ENPP3: variants seen among roughly 807,000 people sequenced by gnomAD.
ENPP3 encodes ectonucleotide pyrophosphatase/phosphodiesterase 3, also known as ectonucleotide pyrophosphatase/phosphodiesterase family member 3.
ENPP3 carries 104 observed loss-of-function variants against 117.8 expected under a neutral mutation model. That is an observed-to-expected ratio of 0.88 (90% CI 0.75 to 1.04). The LOEUF (loss-of-function observed/expected upper bound fraction) is 1.04. Among genes scored for constraint, ENPP3 ranks in the 50% least tolerant of loss-of-function variants. The pLI is 0.00. For missense variants in ENPP3, 1,026 were observed against 1,051.9 expected (o/e 0.98, Z 0.34); for synonymous variants, 380 against 349.9 (o/e 1.09, Z -0.96).
chr6:131,746,286 C>A (rs1416658565), intron 24 of ENPP3, among the ~76,000 whole-genome samples: 1 of 152,010 alleles, frequency 6.6e-6, no homozygotes. Context: ...CAAACCACAG[C>A]TAAGAACAAG....
intron 19 of ENPP3, 135 bp downstream of exon 19, chr6:131,724,226 T>TAAAAAAAAAAAACAA (rs1308591637): frequency 7.1e-6 from 3 of 424,292 alleles, no homozygotes; most frequent in African/African-American, 7.0e-5. Flanking sequence ...ATACAAAAGG[T>TAAAAAAAAAAAACAA]AAAAAAAAAA....
In ENPP3 at chr6:131,672,350, AG is replaced by A. The variant is rs528403179; in HGVS notation, c.642+1024del. Among the ~76,000 whole-genome samples, 19 of 152,256 alleles carry A rather than the reference AG, an allele frequency of 1.2e-4. No individual in the cohort carries two copies. The South Asian group carries it at 3.9e-3, about 32-fold the overall frequency. ...ACTGGTTAAAATTGTCCCCTTGCAT[AG>A]TGCTGATGTGGTTTCTGGTGTTCCT... On this transcript the variant is annotated intron_variant, in intron 7 of 24. Coordinates refer to ENST00000357639, the MANE Select transcript of ENPP3 (RefSeq NM_005021.5).
intron 6 of ENPP3, among the ~76,000 whole-genome samples, chr6:131,660,064 A>G (rs1778465962): frequency 6.6e-6 from 1 of 152,222 alleles, no homozygotes; most frequent in African/African-American, 2.4e-5. Flanking sequence ...GTGTGAAGCT[A>G]TGATCAGCTA....
intron 15 of ENPP3, chr6:131,710,303 T>C: frequency 6.4e-7 from 1 of 1,568,766 alleles, no homozygotes; most frequent in Non-Finnish European, 8.6e-7. Flanking sequence ...TTAAGTTCAC[T>C]CACTTGTCCT....
chr6:131,674,614 C>G (rs1778825151), intron 8 of ENPP3, among the ~76,000 whole-genome samples: 1 of 150,594 alleles, frequency 6.6e-6, no homozygotes, highest in South Asian at 2.1e-4. Flanking sequence ...TGCTCTGTCG[C>G]CAGGCTGGAG....
intron 15 of ENPP3, chr6:131,709,815 T>C (rs1364002749): frequency 1.2e-6 from 2 of 1,610,824 alleles, no homozygotes; most frequent in East Asian, 2.2e-5. Context: ...CCACTGTTAA[T>C]TTCCTGTAGA....
chr6:131,723,034 G>A (rs1780069299), intron 18 of ENPP3, among the ~76,000 whole-genome samples: 1 of 152,188 alleles, frequency 6.6e-6, no homozygotes, highest in Admixed American at 6.5e-5. Flanking sequence ...TAAGGACCAA[G>A]CCTACTTGTG....
rs1585606010 is a variant in ENPP3, at chr6:131,641,044, A to G, written c.79-411A>G. Among the ~76,000 whole-genome samples, 6 of 152,064 alleles carry G rather than the reference A, an allele frequency of 3.9e-5. 2 individuals carry two copies. Among genetic ancestry groups the G allele is most frequent in the Admixed American group, 3.9e-4 (6 of 15,286 alleles). On this transcript the variant is annotated intron_variant, in intron 1 of 24. Coordinates refer to ENST00000357639, the MANE Select transcript of ENPP3 (RefSeq NM_005021.5). The stretch of plus-strand genomic sequence containing the variant: ...AGGAAAAAAAGCCCTGCTCCCTTAG[A>G]ATGAGGCAGTTAAGGATTTAACAGT...
intron 1 of ENPP3, among the ~76,000 whole-genome samples, chr6:131,638,955 C>G (rs1585603447): frequency 6.6e-6 from 1 of 151,874 alleles, no homozygotes; most frequent in African/African-American, 2.4e-5. Context: ...CCCCAGTGCA[C>G]TAGCCTGTTT....
intron 14 of ENPP3, among the ~76,000 whole-genome samples, chr6:131,692,737 T>G (rs540718400): frequency 3.9e-4 from 57 of 146,242 alleles, no homozygotes; most frequent in African/African-American, 9.7e-4. Context: ...ATGGCTATAT[T>G]ATATATGATA....
rs550055328 is a variant in ENPP3, at chr6:131,732,430, T to G, written c.1954-1158T>G. Among the ~76,000 whole-genome samples the G allele has an allele frequency of 2.6e-5, 4 of 152,238 alleles. No homozygotes were observed. In the East Asian group the frequency reaches 7.7e-4, roughly 29 times the overall value. On this transcript the variant is annotated intron_variant, in intron 20 of 24. Coordinates refer to ENST00000357639, the MANE Select transcript of ENPP3 (RefSeq NM_005021.5). ...CTACAAAGAAATTATTATTATTTTT[T>G]AAGACGGAGTCTCTCTCCGTTGCCC...
chr6:131,742,875 A>T (rs1331188109), intron 24 of ENPP3, among the ~76,000 whole-genome samples: 1 of 152,212 alleles, frequency 6.6e-6, no homozygotes, highest in Admixed American at 6.5e-5. Flanking sequence ...GCTTTCCTTG[A>T]TTATTCAAAG....
chr6:131,641,601 G>A, intron 2 of ENPP3, 71 bp downstream of exon 2: 2 of 969,158 alleles, frequency 2.1e-6, no homozygotes, highest in Non-Finnish European at 3.3e-6. Flanking sequence ...TCATTAAAAT[G>A]TATCTCCCAT....
chr6:131,683,004 C>A, intron 11 of ENPP3, 50 bp from the exon 12 acceptor site: 2 of 1,102,992 alleles, frequency 1.8e-6, no homozygotes, highest in Non-Finnish European at 2.8e-6. Flanking sequence ...AACGGTTTGG[C>A]TAATTAAGAC....
chr6:131,676,142 C>T (rs1208327554), intron 9 of ENPP3, among the ~76,000 whole-genome samples: 1 of 152,146 alleles, frequency 6.6e-6, no homozygotes, highest in African/African-American at 2.4e-5. Context: ...CTACTCTTTC[C>T]CTGCCTTCCA....
At chr6:131,741,337 A>G (rs751687348) in intron 24 of ENPP3, among the ~76,000 whole-genome samples, 3 of 152,202 alleles carry the variant, frequency 2.0e-5, no homozygotes, top group Non-Finnish European at 4.4e-5. Context: ...ACTTCAGTTT[A>G]TATATGAGAT....
At chr6:131,662,415 G>C (rs574055820) in intron 6 of ENPP3, among the ~76,000 whole-genome samples, 1 of 152,140 alleles carries the variant, frequency 6.6e-6, no homozygotes, top group Non-Finnish European at 1.5e-5. Context: ...GCTAATTTTT[G>C]TATTTTTGTA....
In ENPP3 at chr6:131,746,914, G is replaced by A; in HGVS notation, c.2586G>A (p.Leu862=). ...QDKVQPVSEI[L]QLKTYLPTFE... ...AAGTGCAGCCTGTCTCTGAAATTTT[G>A]CAACTAAAGACATATTTACCAACAT... Residue 862 remains leucine (L), a synonymous_variant, in exon 25 of 25, where the codon TTG becomes TTA. Transcript: ENST00000357639. 2 of 1,610,124 alleles carry A rather than the reference G, an allele frequency of 1.2e-6. No homozygotes were observed. The highest frequency in any genetic ancestry group is 1.7e-6 in the Non-Finnish European group (2 of 1,177,780).
Position 131,650,107 on chromosome 6 carries a change from G to T in ENPP3, c.235G>T (p.Gly79Cys). The T allele has an allele frequency of 1.2e-6, 2 of 1,614,078 alleles. No individual in the cohort carries two copies. The highest frequency in any genetic ancestry group is 1.7e-6 in the Non-Finnish European group (2 of 1,179,984). Reference sequence around the variant, plus strand: ...GTGTGATGTGGCATGTAAAGACCGAGGTGATTGCTGCTGGGATTTTGAAGA... The same window carrying T: ...GTGTGATGTGGCATGTAAAGACCGATGTGATTGCTGCTGGGATTTTGAAGA... The part of the protein sequence containing the change: ...CRCDVACKDR[G>C]DCCWDFEDTC... Residue 79 changes from glycine (G) to cysteine (C), a missense_variant, in exon 3 of 25, where the codon GGT (glycine) becomes TGT (cysteine). Physicochemically the swap from Gly to Cys is radical, Grantham distance 159. Transcript: ENST00000357639.
Sources: allele counts gnomAD v4.1 joint callset (sites outside exome capture counted in the v4.1 genomes callset), GRCh38; gene constraint gnomAD v4.1.1; transcripts MANE v1.5; gene names NCBI Gene and HGNC (gene_info 2026-07-23, HGNC 2026-07-21).